The following LHFPL3 variants were observed in gnomAD, a reference collection of about 807,000 sequenced individuals.
The protein encoded by LHFPL3 is LHFPL tetraspan subfamily member 3 protein.
LHFPL3 carries 5 observed loss-of-function variants against 19.3 expected under a neutral mutation model. The observed-to-expected ratio is 0.26, with a 90% CI of 0.14 to 0.54. LHFPL3 has a LOEUF of 0.54. Ranked by LOEUF, LHFPL3 falls within the 20% of genes least tolerant of loss-of-function variation. The pLI is 0.94. For missense variants in LHFPL3, 249 were observed against 307.4 expected, an observed-to-expected ratio of 0.81 and a Z score of 1.42; for synonymous variants, 133 against 126.2, an observed-to-expected ratio of 1.05 and a Z score of -0.36.
At chr7:104,402,285 A>C (rs1791329186) in intron 1 of LHFPL3, among the ~76,000 whole-genome samples, 1 of 152,194 alleles carries the variant, frequency 6.6e-6, no homozygotes, top group African/African-American at 2.4e-5. Context: ...CTGAGGTCCA[A>C]ATTTCAGAGA....
At chr7:104,497,879 C>T (rs547740751) in intron 1 of LHFPL3, among the ~76,000 whole-genome samples, 1 of 152,130 alleles carries the variant, frequency 6.6e-6, no homozygotes, top group African/African-American at 2.4e-5. Context: ...ACCTGAGTCA[C>T]AAGGTCCTAA....
At chr7:104,906,069 A>G (rs1302584898) in intron 2 of LHFPL3, 118 bp from the exon 3 acceptor site, 1 of 925,860 alleles carries the variant, frequency 1.1e-6, no homozygotes, top group African/African-American at 1.6e-5. Flanking sequence ...CATTTGAACC[A>G]TTCATTGGTA....
chr7:104,404,530 T>G lies in LHFPL3; in HGVS notation c.445+75306T>G, dbSNP rs182969323. Among the ~76,000 whole-genome samples, 356 of 152,288 alleles carry G rather than the reference T, an allele frequency of 2.3e-3. 3 individuals carry two copies. The highest frequency in any genetic ancestry group is 6.8e-3 in the Middle Eastern group (2 of 294). On this transcript the variant is annotated intron_variant, in intron 1 of 2. Transcript: ENST00000424859. ...GTACATTGAGAGGTAAAGTCTGGCT[T>G]GAGAACCAAGGTTACTGACAAATCA...
intron 1 of LHFPL3, among the ~76,000 whole-genome samples, chr7:104,696,081 G>A (rs1295639394): frequency 6.6e-6 from 1 of 152,154 alleles, no homozygotes; most frequent in East Asian, 1.9e-4. Context: ...CTCCTGAGTA[G>A]CTGGGACTAC....
At chr7:104,413,048 C>T (rs1791561622) in intron 1 of LHFPL3, among the ~76,000 whole-genome samples, 1 of 152,172 alleles carries the variant, frequency 6.6e-6, no homozygotes, top group Admixed American at 6.5e-5. Flanking sequence ...CCATATACTC[C>T]CTGTAAGCTT....
chr7:104,721,790 G>C (rs1793497662), intron 1 of LHFPL3, among the ~76,000 whole-genome samples: 1 of 152,200 alleles, frequency 6.6e-6, no homozygotes, highest in Non-Finnish European at 1.5e-5. Context: ...TCAGGAAGAA[G>C]TGTTCTCATG....
intron 1 of LHFPL3, among the ~76,000 whole-genome samples, chr7:104,554,668 TAGATAGA>T (rs1562932780): frequency 1.5e-4 from 23 of 150,494 alleles, no homozygotes; most frequent in African/African-American, 5.5e-4. Flanking sequence ...GATAGATAGA[TAGATAGA>T]TAGATAGATA....
chr7:104,577,433 G>A (rs747664484), intron 1 of LHFPL3, among the ~76,000 whole-genome samples: 1 of 152,118 alleles, frequency 6.6e-6, no homozygotes, highest in South Asian at 2.1e-4. Flanking sequence ...GAGGAACAGT[G>A]TTAATCCTGT....
At chr7:104,408,114 C>A (rs1207353835) in intron 1 of LHFPL3, among the ~76,000 whole-genome samples, 1 of 152,114 alleles carries the variant, frequency 6.6e-6, no homozygotes, top group Admixed American at 6.6e-5. Context: ...CCCCATTAAC[C>A]CAGATACATA....
At chr7:104,669,935 A>G (rs1296850324) in intron 1 of LHFPL3, among the ~76,000 whole-genome samples, 2 of 152,140 alleles carry the variant, frequency 1.3e-5, no homozygotes, top group Non-Finnish European at 2.9e-5. Context: ...GCAGTAGGGG[A>G]GGGAGGTAGA....
chr7:104,566,330 G>C (rs1177732427), intron 1 of LHFPL3, among the ~76,000 whole-genome samples: 3 of 152,070 alleles, frequency 2.0e-5, no homozygotes, highest in Non-Finnish European at 4.4e-5. Context: ...CAGCCTGAGT[G>C]ACAGAGCAAG....
intron 2 of LHFPL3, among the ~76,000 whole-genome samples, chr7:104,855,773 G>A (rs560720354): frequency 6.6e-6 from 1 of 152,050 alleles, no homozygotes; most frequent in East Asian, 1.9e-4. Context: ...ACAGGTGCAC[G>A]CCACCACACC....
At chr7:104,593,871 C>CT (rs772381591) in intron 1 of LHFPL3, among the ~76,000 whole-genome samples, 153 of 115,832 alleles carry the variant, frequency 1.3e-3, no homozygotes, top group Middle Eastern at 4.6e-3. Context: ...GCGACCCCTG[C>CT]TTTTTTTTTG....
intron 1 of LHFPL3, among the ~76,000 whole-genome samples, chr7:104,550,371 G>A (rs1429721458): frequency 1.3e-5 from 2 of 152,010 alleles, no homozygotes; most frequent in African/African-American, 2.4e-5. Flanking sequence ...AATAGAGAGT[G>A]GGATGGGGCT....
At chr7:104,803,256 C>T (rs908025602) in intron 2 of LHFPL3, among the ~76,000 whole-genome samples, 6 of 152,160 alleles carry the variant, frequency 3.9e-5, no homozygotes, top group African/African-American at 1.4e-4. Context: ...GTTCCCTTTA[C>T]ACTATATACA....
intron 2 of LHFPL3, among the ~76,000 whole-genome samples, chr7:104,802,491 C>CAAAAAAA (rs920866759): frequency 1.5e-5 from 1 of 65,508 alleles, no homozygotes; most frequent in African/African-American, 5.9e-5. Context: ...AACCCTATCT[C>CAAAAAAA]AAAAAAAAAA....
intron 1 of LHFPL3, among the ~76,000 whole-genome samples, chr7:104,695,979 C>G (rs1047449957): frequency 2.6e-5 from 4 of 152,154 alleles, no homozygotes; most frequent in African/African-American, 9.7e-5. Context: ...GAGAAGGAGT[C>G]TCACTCTGTT....
At chr7:104,464,408 A>G (rs1792735627) in intron 1 of LHFPL3, among the ~76,000 whole-genome samples, 1 of 152,152 alleles carries the variant, frequency 6.6e-6, no homozygotes, top group African/African-American at 2.4e-5. Context: ...CAGCTCCACT[A>G]TGCAGTTCTC....
intron 1 of LHFPL3, among the ~76,000 whole-genome samples, chr7:104,581,635 T>G (rs1790463287): frequency 6.6e-6 from 1 of 152,058 alleles, no homozygotes; most frequent in African/African-American, 2.4e-5. Context: ...GTTTTACCTT[T>G]TACATGTGAA....
Sources: gnomAD v4.1 joint callset for allele counts (sites outside exome capture counted in the v4.1 genomes callset) on GRCh38, gnomAD v4.1.1 for gene constraint, MANE v1.5 for transcripts, NCBI Gene and HGNC (gene_info 2026-07-23, HGNC 2026-07-21) for gene names.